Variants in DEFB121 observed in about 807,000 individuals in gnomAD.
The protein encoded by DEFB121 is beta-defensin 121.
DEFB121 carries 5 observed loss-of-function variants against 2.5 expected under a neutral mutation model. That is an observed-to-expected ratio of 1.96 (90% CI 1.03 to 4.13). The LOEUF is 4.13. Among genes scored for constraint, DEFB121 ranks in the 30% most tolerant of loss-of-function variants. DEFB121 has a pLI of 0.00. For synonymous variants in DEFB121, 39 were observed against 32.6 expected (o/e 1.20, Z -0.67); for missense variants, 87 against 85.0 (o/e 1.02, Z -0.09).
At chr20:31,417,454 G>A (rs924661652), upstream of DEFB121, among the ~76,000 whole-genome samples, 1 of 152,004 alleles carries the variant, frequency 6.6e-6, no homozygotes, top group Non-Finnish European at 1.5e-5. Context: ...AATAAAAGCA[G>A]TAGAGAAAAT....
At chr20:31,411,314 TG>T (rs1978657179) in intron 1 of DEFB121, among the ~76,000 whole-genome samples, 1 of 152,212 alleles carries the variant, frequency 6.6e-6, no homozygotes, top group Non-Finnish European at 1.5e-5. Context: ...TATCCAACCA[TG>T]TTGCCAAGAC....
chr20:31,405,019 A>G lies in DEFB121; in HGVS notation c.125T>C (p.Ile42Thr), dbSNP rs1600528241. The stretch of plus-strand genomic sequence containing the variant: ...GCACTTAGCCTCAGTTTTGCATAAT[A>G]TATAGTATACTTCACTTTCTTTACA... ...TTCKESEVYYILCKTEAKCCV... is the reference protein window; with the variant it reads ...TTCKESEVYYTLCKTEAKCCV... The change falls in exon 2 of 2, where the codon ATA becomes ACA. Residue 42 changes from isoleucine (I) to threonine (T), a missense_variant. Coordinates refer to ENST00000376314, the MANE Select transcript of DEFB121 (RefSeq NM_001011878.3). 1 of 1,613,444 alleles carries G rather than the reference A, an allele frequency of 6.2e-7. No individual in the cohort carries two copies. Among genetic ancestry groups the G allele is most frequent in the Non-Finnish European group, 8.5e-7 (1 of 1,179,906 alleles).
Position 31,404,942 on chromosome 20 carries a change from T to C in DEFB121, c.202A>G (p.Thr68Ala), listed in dbSNP as rs1363092636. 1.2e-6 allele frequency: 2 copies of C among 1,613,946 alleles called. No individual in the cohort carries two copies. Among genetic ancestry groups the C allele is most frequent in the African/African-American group, 2.7e-5 (2 of 74,930 alleles). The change falls in exon 2 of 2, where the codon ACA (threonine) becomes GCA (alanine). Residue 68 changes from threonine (T) to alanine (A), a missense_variant. Thr to Ala is a moderately conservative substitution (Grantham distance 58). Transcript: ENST00000376314. The stretch of plus-strand genomic sequence containing the variant: ...ACTGCAGAAGTTGATTCCAGGCTTG[T>C]ATTTGTGTCTGTTAATTTTGGTTTT... ...PVKPKLTDTN[T>A]SLESTSAV is the part of the protein sequence containing the mutation.
chr20:31,414,630 T>C (rs892105985), upstream of DEFB121, among the ~76,000 whole-genome samples: 12 of 152,360 alleles, frequency 7.9e-5, no homozygotes, highest in Admixed American at 5.2e-4. Context: ...ATTCCAGTTA[T>C]ACGAAGTGTC....
At chr20:31,417,942 G>A in the DEFB121 span, among the ~76,000 whole-genome samples, 2 of 151,800 alleles carry the variant, frequency 1.3e-5, no homozygotes, top group African/African-American at 4.8e-5. Context: ...CAGCCTGGGC[G>A]ACAAGAGCAA....
upstream of DEFB121, among the ~76,000 whole-genome samples, chr20:31,411,163 C>CA (rs972069483): frequency 2.0e-5 from 3 of 152,144 alleles, no homozygotes; most frequent in East Asian, 3.9e-4. Flanking sequence ...CTATCTGTCA[C>CA]AAAAAACTGT....
At position 31,405,026 on chromosome 20, in the gene DEFB121, A is replaced by G. The variant is rs1600528266; in HGVS notation, c.118T>C (p.Tyr40His). The change falls in exon 2 of 2, where the codon TAC (tyrosine) becomes CAC (histidine). Residue 40 changes from tyrosine (Y) to histidine (H), a missense_variant. Coordinates refer to ENST00000376314, the MANE Select transcript of DEFB121 (RefSeq NM_001011878.3). ...GCCTCAGTTTTGCATAATATATAGT[A>G]TACTTCACTTTCTTTACATGTTGTT... ...CRTTCKESEV[Y>H]YILCKTEAKC... 1 of 1,612,320 alleles carries G rather than the reference A, an allele frequency of 6.2e-7. No homozygotes were observed. The highest frequency in any genetic ancestry group is 8.5e-7 in the Non-Finnish European group (1 of 1,179,610).
Position 31,405,609 on chromosome 20 carries a change from C to T in DEFB121, c.58+486G>A, listed in dbSNP as rs569665616. Among the ~76,000 whole-genome samples the T allele has an allele frequency of 5.3e-5, 8 of 152,252 alleles. No homozygotes were observed. The East Asian group carries it at 1.4e-3, about 26-fold the overall frequency. On this transcript the variant is annotated intron_variant, in intron 1 of 1. Coordinates refer to ENST00000376314, the MANE Select transcript of DEFB121 (RefSeq NM_001011878.3). ...TCCTGGGACTTTTCTCTGGCCCCAA[C>T]CAGTCAAGGGAATTAGGAACAGCTA...
chr20:31,412,656 C>G, exon 1 of DEFB121: 1 of 1,290,894 alleles, frequency 7.7e-7, no homozygotes, highest in Non-Finnish European at 1.0e-6. Flanking sequence ...GGCTATTGAC[C>G]TCTTTCCTCC....
At chr20:31,407,025 A>T (rs1221397939), upstream of DEFB121, among the ~76,000 whole-genome samples, 1 of 152,106 alleles carries the variant, frequency 6.6e-6, no homozygotes, top group Non-Finnish European at 1.5e-5. Context: ...AGGCAGGCGG[A>T]TCACAAGTTC....
At chr20:31,412,678 C>A in exon 1 of DEFB121, 1 of 1,290,908 alleles carries the variant, frequency 7.7e-7, no homozygotes, top group Non-Finnish European at 1.0e-6. Context: ...TGAGGCTCTT[C>A]TGGCTTTTCA....
At chr20:31,409,517 G>C (rs1010182778), upstream of DEFB121, among the ~76,000 whole-genome samples, 2 of 152,116 alleles carry the variant, frequency 1.3e-5, no homozygotes, top group African/African-American at 2.4e-5. Flanking sequence ...AAGGTGGGTG[G>C]ATCATCTGAG....
chr20:31,416,956 A>C (rs758760502), upstream of DEFB121, among the ~76,000 whole-genome samples: 84 of 152,220 alleles, frequency 5.5e-4, no homozygotes, highest in Non-Finnish European at 9.9e-4. Context: ...CCCTTTCTTA[A>C]AGCAGGGAGA....
chr20:31,412,626 C>T (rs1393368087), exon 1 of DEFB121: 1 of 1,290,932 alleles, frequency 7.7e-7, no homozygotes, highest in Admixed American at 2.3e-5. Context: ...CCTCACCTTC[C>T]TTGACTTCTT....
chr20:31,408,588 C>T (rs756053082), upstream of DEFB121, among the ~76,000 whole-genome samples: 5 of 152,320 alleles, frequency 3.3e-5, no homozygotes, highest in Non-Finnish European at 7.3e-5. Context: ...CTCAACTCTA[C>T]AGCTATAGGA....
At chr20:31,406,275 G>C (rs1003159251), upstream of DEFB121, 6 of 1,477,454 alleles carry the variant, frequency 4.1e-6, no homozygotes, top group African/African-American at 8.4e-5. Context: ...GCCAAGATCA[G>C]TGAACCAGAA....
chr20:31,409,672 C>T (rs1282256913), upstream of DEFB121, among the ~76,000 whole-genome samples: 4 of 152,070 alleles, frequency 2.6e-5, no homozygotes, highest in South Asian at 2.1e-4. Flanking sequence ...ACCCGGGAGG[C>T]GGAGGTTGCA....
chr20:31,415,292 C>G (rs1345625842), upstream of DEFB121, among the ~76,000 whole-genome samples: 1 of 151,714 alleles, frequency 6.6e-6, no homozygotes, highest in Non-Finnish European at 1.5e-5. Flanking sequence ...CTCTATCCCC[C>G]AGGCTGGAGT....
At chr20:31,409,286 G>A (rs1978589829), upstream of DEFB121, among the ~76,000 whole-genome samples, 1 of 152,050 alleles carries the variant, frequency 6.6e-6, no homozygotes, top group Admixed American at 6.6e-5. Context: ...GAAGACATAT[G>A]TCCACGTCAA....
Sources: gnomAD v4.1 joint callset for allele counts (sites outside exome capture counted in the v4.1 genomes callset) on GRCh38, gnomAD v4.1.1 for gene constraint, MANE v1.5 for transcripts, NCBI Gene and HGNC (gene_info 2026-07-23, HGNC 2026-07-21) for gene names.